The following GEN1 variants were observed in gnomAD, a reference collection of about 807,000 sequenced individuals.
GEN1 encodes the protein flap endonuclease GEN homolog 1.
A neutral mutation model predicts 67.6 loss-of-function variants in GEN1; 64 were observed. That is an observed-to-expected ratio of 0.95 (90% CI 0.77 to 1.17). The LOEUF (loss-of-function observed/expected upper bound fraction) is 1.17, where lower values mean the gene tolerates loss of function less well. Ranked by LOEUF, GEN1 falls within the 50% of genes most tolerant of loss-of-function variation. The probability of loss-of-function intolerance (pLI) is 0.00; values close to 1 mark genes in which losing one functional copy is unlikely to be tolerated. For synonymous variants in GEN1, 371 were observed against 359.4 expected, an observed-to-expected ratio of 1.03 and a Z score of -0.37; for missense variants, 1,058 against 1,048.3, an observed-to-expected ratio of 1.01 and a Z score of -0.13.
chr2:17,766,478 T>C (rs777440846), intron 4 of GEN1, 101 bp from the exon 5 acceptor site: 5 of 685,454 alleles, frequency 7.3e-6, no homozygotes, highest in African/African-American at 3.7e-5. Flanking sequence ...CCTGGAATAA[T>C]TAAACATTTA....
intron 4 of GEN1, among the ~76,000 whole-genome samples, chr2:17,766,292 C>G (rs1392966461): frequency 6.6e-6 from 1 of 152,160 alleles, no homozygotes. Context: ...CTCAGCCTCC[C>G]AAGTAACTGG....
chr2:17,766,570 T>G lies in GEN1; in HGVS notation c.526-9T>G. The G allele has an allele frequency of 1.4e-6, 2 of 1,453,712 alleles. No homozygotes were observed. The highest frequency in any genetic ancestry group is 4.6e-5 in the East Asian group (2 of 43,750). 90.1% of individuals were successfully genotyped at this position (1,453,712 alleles called of 1,614,324 possible). On this transcript the variant is annotated splice_polypyrimidine_tract_variant and intron_variant, in intron 4 of 13. Coordinates refer to ENST00000381254, the MANE Select transcript of GEN1 (RefSeq NM_001130009.3). Reference sequence around the variant, plus strand: ...TTTGAGGATTAAACTAAATCTGTTCTTTCTTTAGGACCCACATGTTGACTG... The same window carrying G: ...TTTGAGGATTAAACTAAATCTGTTCGTTCTTTAGGACCCACATGTTGACTG...
chr2:17,764,373 CTT>C (rs996223530), intron 3 of GEN1, among the ~76,000 whole-genome samples: 12 of 152,148 alleles, frequency 7.9e-5, no homozygotes, highest in African/African-American at 2.9e-4. Context: ...AGATGTAAAT[CTT>C]AATATGATTA....
Position 17,760,098 on chromosome 2 carries a change from A to T in GEN1, c.155A>T (p.His52Leu). 5 of 1,613,974 alleles carry T rather than the reference A, an allele frequency of 3.1e-6. No individual in the cohort carries two copies. Among genetic ancestry groups the T allele is most frequent in the Non-Finnish European group, 4.2e-6 (5 of 1,179,922 alleles). Residue 52 changes from histidine (H) to leucine (L), a missense_variant, in exon 2 of 14, where the codon CAC becomes CTC. His to Leu is a moderately conservative substitution (Grantham distance 99, BLOSUM62 -3). Transcript: ENST00000381254. The part of the protein sequence containing the change: ...KKMMGSVMKP[H>L]LRNLFFRISY... ...ATGATGGGCAGCGTCATGAAGCCCC[A>T]CCTCAGGTATAGTAAAAGCTCTTAC...
intron 1 of GEN1, 90 bp downstream of exon 1, chr2:17,754,435 C>T (rs1056425760): frequency 1.5e-4 from 23 of 152,114 alleles, no homozygotes; most frequent in African/African-American, 5.6e-4. Flanking sequence ...GCTCTTTGTT[C>T]GCTGCTCCTC....
At chr2:17,766,472 G>A in intron 4 of GEN1, 107 bp from the exon 5 acceptor site, 2 of 658,500 alleles carry the variant, frequency 3.0e-6, no homozygotes, top group East Asian at 2.9e-5. Flanking sequence ...GCCCAGCCTG[G>A]AATAATTAAA....
upstream of GEN1, chr2:17,753,620 C>T (rs1368613814): frequency 1.3e-5 from 2 of 152,280 alleles, no homozygotes; most frequent in Non-Finnish European, 2.9e-5. Flanking sequence ...CGCGCCTTCA[C>T]CCTACCGCCA....
At chr2:17,779,360 A>G (rs562630021) in intron 12 of GEN1, among the ~76,000 whole-genome samples, 1 of 152,330 alleles carries the variant, frequency 6.6e-6, no homozygotes, top group Admixed American at 6.5e-5. Flanking sequence ...AATTAAACCA[A>G]CCAACCTTAC....
intron 2 of GEN1, 130 bp from the exon 3 acceptor site, chr2:17,761,266 A>G (rs1671662897): frequency 1.7e-6 from 1 of 592,958 alleles, no homozygotes; most frequent in African/African-American, 1.9e-5. Flanking sequence ...ACTCTAATTA[A>G]AGCTTAAGTA....
upstream of GEN1, chr2:17,753,761 CAGG>C (rs1671231886): frequency 6.6e-6 from 1 of 152,286 alleles, no homozygotes; most frequent in South Asian, 2.1e-4. Context: ...GTGCCGGCCG[CAGG>C]AGAAGGTAGA....
chr2:17,759,033 C>T (rs1354819404), intron 1 of GEN1, among the ~76,000 whole-genome samples: 4 of 152,120 alleles, frequency 2.6e-5, no homozygotes, highest in Non-Finnish European at 4.4e-5. Flanking sequence ...ACAGACAATA[C>T]AGTACTTTTT....
rs1210961944 is a variant in GEN1 at position 17,785,305 on chromosome 2, A to G, written c.*3366A>G. The G allele has an allele frequency of 2.0e-5, 3 of 152,224 alleles. No individual in the cohort carries two copies. The highest frequency in any genetic ancestry group is 2.0e-4 in the Admixed American group (3 of 15,284). 9.4% of individuals were successfully genotyped at this position (152,224 alleles called of 1,614,324 possible). On this transcript the variant is annotated 3_prime_UTR_variant, in exon 14 of 14. Coordinates refer to ENST00000381254, the MANE Select transcript of GEN1 (RefSeq NM_001130009.3). ...TGTTTTCATTGTCCAGGTTATACCA[A>G]TTCTTTTTAAAGCATTCCATGTTCT... is the stretch of plus-strand genomic sequence containing the variant.
intron 1 of GEN1, among the ~76,000 whole-genome samples, chr2:17,759,428 A>T (rs1671573915): frequency 6.6e-6 from 1 of 152,244 alleles, no homozygotes; most frequent in African/African-American, 2.4e-5. Context: ...AATGAACATT[A>T]TGTGACCTTG....
At chr2:17,763,727 G>T (rs891551648) in intron 3 of GEN1, among the ~76,000 whole-genome samples, 18 of 152,192 alleles carry the variant, frequency 1.2e-4, no homozygotes, top group Non-Finnish European at 2.5e-4. Context: ...ATTATGAAAG[G>T]CTATTTTTTA....
At position 17,786,673 on chromosome 2, in the gene GEN1, TTC is replaced by T. The variant is rs1269217300; in HGVS notation, c.*4736_*4737del. 1 of 152,192 alleles carries T rather than the reference TTC, an allele frequency of 6.6e-6. No individual in the cohort carries two copies. The highest frequency in any genetic ancestry group is 2.4e-5 in the African/African-American group (1 of 41,438). 9.4% of individuals were successfully genotyped at this position (152,192 alleles called of 1,614,324 possible). On this transcript the variant is annotated 3_prime_UTR_variant, in exon 14 of 14. Coordinates refer to ENST00000381254, the MANE Select transcript of GEN1 (RefSeq NM_001130009.3). The stretch of plus-strand genomic sequence containing the variant: ...ATTTATGTTTCCATACATCATTCAG[TTC>T]TTGACTCAAATATCACCTCAGAGAG...
At position 17,781,063 on chromosome 2, in the gene GEN1, G is replaced by A. The variant is rs768529894; in HGVS notation, c.1851G>A (p.Glu617=). The A allele has an allele frequency of 5.6e-6, 9 of 1,613,688 alleles. No individual in the cohort carries two copies. Among genetic ancestry groups the A allele is most frequent in the Admixed American group, 1.7e-5 (1 of 60,002 alleles). ...ATTTAAAATCAGAAGTTGAATCAGA[G>A]CTATCAGCCATCCCTGATGGCTTTG... The part of the protein sequence containing the change: ...SHDLKSEVES[E]LSAIPDGFEN... Residue 617 remains glutamate, a synonymous_variant, in exon 14 of 14, where the codon GAG becomes GAA. Coordinates refer to ENST00000381254, the MANE Select transcript of GEN1 (RefSeq NM_001130009.3).
At chr2:17,762,843 T>C (rs1407538276) in intron 3 of GEN1, among the ~76,000 whole-genome samples, 1 of 152,234 alleles carries the variant, frequency 6.6e-6, no homozygotes, top group Non-Finnish European at 1.5e-5. Flanking sequence ...ATTTTATTGC[T>C]CTTGCTGATT....
chr2:17,772,704 C>T lies in GEN1; in HGVS notation c.873C>T (p.Asp291=), dbSNP rs759224196. ...GTGATAAATATTGTGAGCCACATGACTATGAATACTGCTGTCCTTGTGAGT... is the reference window on the plus strand; with the variant it reads ...GTGATAAATATTGTGAGCCACATGATTATGAATACTGCTGTCCTTGTGAGT... ...CKSDKYCEPH[D]YEYCCPCEWH... The change falls in exon 8 of 14, where the codon GAC becomes GAT. Residue 291 remains aspartate, a synonymous_variant. Coordinates refer to ENST00000381254, the MANE Select transcript of GEN1 (RefSeq NM_001130009.3). 2 of 1,611,876 alleles carry T rather than the reference C, an allele frequency of 1.2e-6. No individual in the cohort carries two copies. Among genetic ancestry groups the T allele is most frequent in the Non-Finnish European group, 1.7e-6 (2 of 1,178,398 alleles).
rs1672825031 is a variant in GEN1 at position 17,781,366 on chromosome 2, T to C, written c.2154T>C (p.His718=). Residue 718 remains histidine (H), a synonymous_variant, in exon 14 of 14, where the codon CAT becomes CAC. Coordinates refer to ENST00000381254, the MANE Select transcript of GEN1 (RefSeq NM_001130009.3). ...IANSGSDCTS[H]LSKDLPGIPL... ...ACAGTGGTTCTGATTGTACATCACA[T>C]CTTTCAAAGGATCTTCCAGGAATTC... The C allele has an allele frequency of 6.2e-7, 1 of 1,613,820 alleles. No homozygotes were observed. Among genetic ancestry groups the C allele is most frequent in the African/African-American group, 1.3e-5 (1 of 74,938 alleles).
Sources: allele counts gnomAD v4.1 joint callset (sites outside exome capture counted in the v4.1 genomes callset), GRCh38; gene constraint gnomAD v4.1.1; transcripts MANE v1.5; gene names NCBI Gene and HGNC (gene_info 2026-07-23, HGNC 2026-07-21).